Variants in SLAIN2 observed in about 807,000 individuals in gnomAD.
SLAIN2 encodes SLAIN motif-containing protein 2.
A neutral mutation model predicts 56.6 loss-of-function variants in SLAIN2; 31 were observed. The observed-to-expected ratio is 0.55, with a 90% CI of 0.41 to 0.74. SLAIN2 has a LOEUF of 0.74. Among genes scored for constraint, SLAIN2 ranks in the 30% least tolerant of loss-of-function variants. The pLI is 0.00. For missense variants in SLAIN2, 777 were observed against 754.2 expected (o/e 1.03, Z -0.35); for synonymous variants, 317 against 284.9 (o/e 1.11, Z -1.13).
At chr4:48,368,818 A>C (rs1715593363) in intron 1 of SLAIN2, among the ~76,000 whole-genome samples, 1 of 152,214 alleles carries the variant, frequency 6.6e-6, no homozygotes, top group South Asian at 2.1e-4. Flanking sequence ...GATCAAAACT[A>C]AATAATGCAT....
At chr4:48,372,039 T>TATACATATATACATATATATATATACAC (rs1715684056) in intron 2 of SLAIN2, among the ~76,000 whole-genome samples, 1 of 133,490 alleles carries the variant, frequency 7.5e-6, no homozygotes. Context: ...TATATATACA[T>TATACATATATACATATATATATATACAC]ATACATATAT....
chr4:48,382,096 G>A (rs1011692302), intron 4 of SLAIN2, among the ~76,000 whole-genome samples: 1 of 152,156 alleles, frequency 6.6e-6, no homozygotes, highest in Non-Finnish European at 1.5e-5. Flanking sequence ...AAGTGGGTTA[G>A]AAGTTTCTTT....
chr4:48,363,128 C>A (rs1577714219), intron 1 of SLAIN2, among the ~76,000 whole-genome samples: 1 of 42,096 alleles, frequency 2.4e-5, no homozygotes, highest in Non-Finnish European at 5.6e-5. Flanking sequence ...TTTCTTAGTG[C>A]AGAATAAAAT....
chr4:48,379,408 A>ATTAC (rs1205386122), intron 3 of SLAIN2, among the ~76,000 whole-genome samples: 2 of 152,080 alleles, frequency 1.3e-5, no homozygotes, highest in Non-Finnish European at 1.5e-5. Flanking sequence ...TTGAACACCA[A>ATTAC]TTACTTGCCA....
Position 48,382,617 on chromosome 4 carries a change from A to G in SLAIN2, c.912A>G (p.Ser304=), listed in dbSNP as rs1011221250. The change falls in exon 5 of 8, where the codon TCA becomes TCG. Residue 304 remains serine, a synonymous_variant. Transcript: ENST00000264313. Reference sequence around the variant, plus strand: ...CCACGTCTCGGCGCAGTTCTGGTTCATCTTGCAATTCTACAAGACGGGGTA... The same window carrying G: ...CCACGTCTCGGCGCAGTTCTGGTTCGTCTTGCAATTCTACAAGACGGGGTA... The part of the protein sequence containing the change: ...AATTSRRSSG[S]SCNSTRRGTF... The G allele has an allele frequency of 2.0e-5, 33 of 1,611,740 alleles. No individual in the cohort carries two copies. Among genetic ancestry groups the G allele is most frequent in the Middle Eastern group, 1.7e-4 (1 of 6,054 alleles).
At chr4:48,372,986 C>G (rs974199884) in intron 2 of SLAIN2, among the ~76,000 whole-genome samples, 1 of 151,938 alleles carries the variant, frequency 6.6e-6, no homozygotes, top group Non-Finnish European at 1.5e-5. Flanking sequence ...CACTCAGGTT[C>G]GCTGCAGCGC....
intron 1 of SLAIN2, among the ~76,000 whole-genome samples, chr4:48,349,964 C>CA (rs143442004): frequency 0.032 from 4,790 of 151,336 alleles, 83 homozygotes; most frequent in Middle Eastern, 0.054. Context: ...TTTAATTGGG[C>CA]AAAAAAAACA....
At chr4:48,421,785 A>G (rs1375250716) in intron 7 of SLAIN2, among the ~76,000 whole-genome samples, 3 of 151,312 alleles carry the variant, frequency 2.0e-5, no homozygotes, top group Non-Finnish European at 2.9e-5. Context: ...TCTAGTAGCT[A>G]TGTTAACAAA....
chr4:48,349,539 A>C (rs1253581106), intron 1 of SLAIN2, among the ~76,000 whole-genome samples: 1 of 152,230 alleles, frequency 6.6e-6, no homozygotes, highest in Non-Finnish European at 1.5e-5. Context: ...AAATTAGCCA[A>C]AATACTGGCA....
Position 48,383,742 on chromosome 4 carries a change from C to T in SLAIN2, c.1318C>T (p.Pro440Ser), listed in dbSNP as rs1236990633. The change falls in exon 6 of 8, where the codon CCA (proline) becomes TCA (serine). Residue 440 changes from proline to serine, a missense_variant. Coordinates refer to ENST00000264313, the MANE Select transcript of SLAIN2 (RefSeq NM_020846.2). ...SSRSDSNFQV[P>S]NGGIPRMQPQ... ...CAGAAGTGACTCAAATTTTCAAGTG[C>T]CAAACGGAGGAATACCTCGTATGCA... is the stretch of plus-strand genomic sequence containing the variant. 1.2e-6 allele frequency: 2 copies of T among 1,611,878 alleles called. No homozygotes were observed. Among genetic ancestry groups the T allele is most frequent in the African/African-American group, 2.7e-5 (2 of 74,884 alleles).
intron 4 of SLAIN2, among the ~76,000 whole-genome samples, chr4:48,380,933 A>G (rs187691752): frequency 6.6e-6 from 1 of 152,278 alleles, no homozygotes; most frequent in Non-Finnish European, 1.5e-5. Flanking sequence ...TCCCATTTCC[A>G]TATAGCTTCC....
intron 6 of SLAIN2, among the ~76,000 whole-genome samples, chr4:48,412,091 C>T (rs771716216): frequency 1.3e-5 from 2 of 152,056 alleles, no homozygotes; most frequent in East Asian, 1.9e-4. Flanking sequence ...TTGACATTGA[C>T]ATTTTTTCCG....
intron 1 of SLAIN2, among the ~76,000 whole-genome samples, chr4:48,353,335 C>A (rs1184047296): frequency 6.6e-6 from 1 of 152,026 alleles, no homozygotes; most frequent in Non-Finnish European, 1.5e-5. Flanking sequence ...TTATTGAGTA[C>A]CTGCCATAGG....
chr4:48,345,275 T>C (rs916602591), intron 1 of SLAIN2, among the ~76,000 whole-genome samples: 2 of 152,222 alleles, frequency 1.3e-5, no homozygotes, highest in African/African-American at 4.8e-5. Flanking sequence ...CCTTTCTCCC[T>C]GCCACACACT....
intron 6 of SLAIN2, among the ~76,000 whole-genome samples, chr4:48,414,381 T>A (rs1371897906): frequency 2.0e-5 from 3 of 152,186 alleles, no homozygotes; most frequent in Non-Finnish European, 4.4e-5. Flanking sequence ...GTTCTTTAGA[T>A]AAGAAAGCCA....
intron 3 of SLAIN2, among the ~76,000 whole-genome samples, chr4:48,378,958 TGAA>T (rs767741173): frequency 6.6e-6 from 1 of 152,194 alleles, no homozygotes; most frequent in Non-Finnish European, 1.5e-5. Flanking sequence ...ACTGTTATGG[TGAA>T]GAATTCTGGA....
chr4:48,375,374 C>G (rs1304005873), intron 2 of SLAIN2, among the ~76,000 whole-genome samples: 1 of 152,154 alleles, frequency 6.6e-6, no homozygotes, highest in African/African-American at 2.4e-5. Context: ...TCTAACTAAA[C>G]AGAAAACATA....
At chr4:48,356,849 A>G (rs914902167) in intron 1 of SLAIN2, among the ~76,000 whole-genome samples, 14 of 152,180 alleles carry the variant, frequency 9.2e-5, no homozygotes, top group Non-Finnish European at 1.2e-4. Context: ...GAATCATAAT[A>G]GCTATTTCTA....
rs147543259 is a variant in SLAIN2, at chr4:48,389,667, G to A, written c.1360+5883G>A. Reference sequence around the variant, plus strand: ...TATGAGTTGCCCAACAAAGAAAGGAGATATAGGTTTTCCCAACAGTGGGAT... The same window carrying A: ...TATGAGTTGCCCAACAAAGAAAGGAAATATAGGTTTTCCCAACAGTGGGAT... On this transcript the variant is annotated intron_variant, in intron 6 of 7. Transcript: ENST00000264313. Among the ~76,000 whole-genome samples the A allele has an allele frequency of 3.9e-3, 593 of 152,288 alleles. 4 individuals are homozygous for A. The highest frequency in any genetic ancestry group is 0.013 in the African/African-American group (527 of 41,552).
Sources: gnomAD v4.1 joint callset for allele counts (sites outside exome capture counted in the v4.1 genomes callset) on GRCh38, gnomAD v4.1.1 for gene constraint, MANE v1.5 for transcripts, NCBI Gene and HGNC (gene_info 2026-07-23, HGNC 2026-07-21) for gene names.